The following DRC3 variants were observed in gnomAD, a reference collection of about 807,000 sequenced individuals.
DRC3 encodes dynein regulatory complex subunit 3.
DRC3 carries 45 observed loss-of-function variants against 57.6 expected under a neutral mutation model. That is an observed-to-expected ratio of 0.78 (90% CI 0.62 to 1.00). The LOEUF (loss-of-function observed/expected upper bound fraction) is 1.00, where lower values mean the gene tolerates loss of function less well. Among genes scored for constraint, DRC3 ranks in the 50% least tolerant of loss-of-function variants. The pLI, the probability that DRC3 is intolerant of heterozygous loss-of-function variation, is 0.00. For synonymous variants in DRC3, 257 were observed against 272.3 expected (o/e 0.94, Z 0.55); for missense variants, 655 against 675.2 (o/e 0.97, Z 0.33).
chr17:17,987,905 A>C (rs1402967416), intron 4 of DRC3, 27 bp from the exon 5 acceptor site: 1 of 1,610,074 alleles, frequency 6.2e-7, no homozygotes, highest in Non-Finnish European at 8.5e-7. Context: ...CAGGCAGCAG[A>C]CCCTCACAGC....
chr17:18,013,828 G>A (rs771922702), intron 12 of DRC3, among the ~76,000 whole-genome samples: 1 of 152,108 alleles, frequency 6.6e-6, no homozygotes, highest in African/African-American at 2.4e-5. Flanking sequence ...TGTTTGAGAC[G>A]GATATGCTAA....
intron 2 of DRC3, chr17:17,977,374 T>G: frequency 1.8e-6 from 1 of 565,614 alleles, no homozygotes; most frequent in Non-Finnish European, 3.1e-6. Context: ...TGAAACCCTG[T>G]GGACAGGCCC....
intron 4 of DRC3, among the ~76,000 whole-genome samples, chr17:17,987,692 T>A (rs1340921462): frequency 6.6e-6 from 1 of 152,170 alleles, no homozygotes; most frequent in Admixed American, 6.5e-5. Context: ...TTTGCCCACA[T>A]GTCCCCAGCC....
chr17:17,976,687 T>G (rs2042403046), intron 2 of DRC3, among the ~76,000 whole-genome samples: 1 of 151,960 alleles, frequency 6.6e-6, no homozygotes, highest in African/African-American at 2.4e-5. Flanking sequence ...AAAAATAAAT[T>G]AATTAAATTA....
In DRC3 at chr17:17,973,968, T is replaced by G. The variant is rs1360959172; in HGVS notation, c.-18+6T>G. 2.0e-5 allele frequency: 3 copies of G among 152,386 alleles called. No individual in the cohort carries two copies. Among genetic ancestry groups the G allele is most frequent in the Admixed American group, 1.3e-4 (2 of 15,310 alleles). 9.4% of individuals were successfully genotyped at this position (152,386 alleles called of 1,614,324 possible). ...TTCAACAACACTATCATCAGGCAAG[T>G]CAAAGGGGACCCAGGTTGGGTGGTA... On this transcript the variant is annotated splice_donor_region_variant and intron_variant, in intron 2 of 13. Coordinates refer to ENST00000399187, the MANE Select transcript of DRC3 (RefSeq NM_031294.4).
At chr17:18,006,791 A>G (rs1291137420) in intron 11 of DRC3, 3 of 534,434 alleles carry the variant, frequency 5.6e-6, no homozygotes, top group Non-Finnish European at 6.6e-6. Flanking sequence ...AGGAGCCTCC[A>G]TGCAGGAGGG....
intron 4 of DRC3, among the ~76,000 whole-genome samples, chr17:17,984,562 G>A (rs2042870517): frequency 6.6e-6 from 1 of 152,152 alleles, no homozygotes; most frequent in Non-Finnish European, 1.5e-5. Flanking sequence ...CCCTAGCAGG[G>A]AGAAGGTGAT....
intron 12 of DRC3, among the ~76,000 whole-genome samples, chr17:18,009,746 C>A (rs1000470998): frequency 3.9e-5 from 6 of 152,168 alleles, no homozygotes; most frequent in African/African-American, 1.4e-4. Context: ...GCTTCTGTTA[C>A]CTAATTATCA....
At chr17:17,977,356 T>G (rs1597526000) in intron 2 of DRC3, 2 of 524,848 alleles carry the variant, frequency 3.8e-6, no homozygotes, top group East Asian at 3.5e-5. Context: ...GGCTGTAGGG[T>G]CAAGGGATGA....
Position 17,997,393 on chromosome 17 carries a change from A to T in DRC3, c.825-67A>T, listed in dbSNP as rs903201742. The T allele has an allele frequency of 4.7e-6, 7 of 1,505,224 alleles. No homozygotes were observed. The African/African-American group carries it at 8.3e-5, about 18-fold the overall frequency. 93.2% of individuals were successfully genotyped at this position (1,505,224 alleles called of 1,614,324 possible). A position where few individuals can be genotyped will look rare whatever the true frequency, so the allele number is the denominator to read the frequency against. The stretch of plus-strand genomic sequence containing the variant: ...TCTGTGCACTGTGCCAGGGTTACCA[A>T]CACCTTGGCCGTGCCCTCCGCAGCC... On this transcript the variant is annotated intron_variant, in intron 8 of 13. Transcript: ENST00000399187.
At chr17:18,006,352 A>T (rs1185192478) in intron 11 of DRC3, 99 bp downstream of exon 11, 5 of 848,062 alleles carry the variant, frequency 5.9e-6, no homozygotes, top group Non-Finnish European at 9.7e-6. Context: ...GGGTCTGAGG[A>T]GGTTTCCCGA....
At chr17:17,986,361 G>A (rs911314944) in intron 4 of DRC3, among the ~76,000 whole-genome samples, 2 of 152,092 alleles carry the variant, frequency 1.3e-5, no homozygotes, top group African/African-American at 4.8e-5. Flanking sequence ...GCCTGGCATA[G>A]AGAAAGGACA....
chr17:17,993,225 C>T (rs776583456), intron 6 of DRC3: 42 of 236,576 alleles, frequency 1.8e-4, no homozygotes, highest in South Asian at 7.1e-4. Context: ...GTGGCTCACG[C>T]CTGTAATCCC....
At chr17:17,974,366 T>G (rs1490936762) in intron 2 of DRC3, among the ~76,000 whole-genome samples, 1 of 152,216 alleles carries the variant, frequency 6.6e-6, no homozygotes, top group African/African-American at 2.4e-5. Context: ...ATCACATTGC[T>G]TCCCTTATTT....
At chr17:17,991,284 CTT>C (rs751138192) in intron 5 of DRC3, among the ~76,000 whole-genome samples, 6 of 73,976 alleles carry the variant, frequency 8.1e-5, no homozygotes, top group African/African-American at 3.4e-4. Context: ...TGAAGTATTG[CTT>C]TTTTTTTTTT....
intron 12 of DRC3, 94 bp downstream of exon 12, chr17:18,007,241 C>G: frequency 2.7e-6 from 2 of 747,588 alleles, no homozygotes; most frequent in Non-Finnish European, 4.0e-6. Context: ...GACAACCTCC[C>G]AGAGCCTCAG....
intron 12 of DRC3, chr17:18,010,897 G>C: frequency 3.2e-6 from 1 of 308,336 alleles, no homozygotes; most frequent in Admixed American, 4.2e-5. Flanking sequence ...CAAGTAGTCT[G>C]AGATCATTGA....
rs201294810 is a variant in DRC3, at chr17:18,007,042, C to T, written c.1221C>T (p.Asp407=). 3.2e-3 allele frequency: 5,060 copies of T among 1,588,048 alleles called. 8 individuals carry two copies. Among genetic ancestry groups the T allele is most frequent in the Non-Finnish European group, 3.7e-3 (4,362 of 1,166,112 alleles). The change falls in exon 12 of 14, where the codon GAC becomes GAT. Residue 407 remains aspartate, a synonymous_variant. Coordinates refer to ENST00000399187, the MANE Select transcript of DRC3 (RefSeq NM_031294.4). The part of the protein sequence containing the change: ...NVQSLMAQCR[D]LENHHHEKLL... ...GCTGCACGATGGCTCAGTGCCGGGA[C>T]CTGGAGAATCACCACCACGAGAAGC...
intron 5 of DRC3, among the ~76,000 whole-genome samples, chr17:17,989,079 C>G (rs1568481183): frequency 6.6e-6 from 1 of 152,146 alleles, no homozygotes; most frequent in Non-Finnish European, 1.5e-5. Flanking sequence ...GGAGGACTGT[C>G]ATAGCTGAGG....
Sources: allele counts gnomAD v4.1 joint callset (sites outside exome capture counted in the v4.1 genomes callset), GRCh38; gene constraint gnomAD v4.1.1; transcripts MANE v1.5; gene names NCBI Gene and HGNC (gene_info 2026-07-23, HGNC 2026-07-21).